PMS1: variants seen among roughly 807,000 people sequenced by gnomAD.
PMS1 encodes PMS1 homolog 1, mismatch repair system component.
A neutral mutation model predicts 93.1 loss-of-function variants in PMS1; 79 were observed. The observed-to-expected ratio is 0.85, with a 90% CI of 0.71 to 1.02. PMS1 has a LOEUF of 1.02. Among genes scored for constraint, PMS1 ranks in the 50% least tolerant of loss-of-function variants. The pLI is 0.00. For synonymous variants in PMS1, 335 were observed against 363.4 expected (o/e 0.92, Z 0.89); for missense variants, 1,064 against 1,085.3 (o/e 0.98, Z 0.28).
In PMS1 at chr2:189,791,954, G is replaced by T. The variant is rs2048907379; in HGVS notation, c.132+13G>T. 3.1e-6 allele frequency: 5 copies of T among 1,612,942 alleles called. No homozygotes were observed. Among genetic ancestry groups the T allele is most frequent in the Non-Finnish European group, 4.2e-6 (5 of 1,179,072 alleles). ...AGATGTTAAACTGGTGAGTGTCCTT[G>T]AGAACCCAAATACCTTTAAGACAAA... On this transcript the variant is annotated intron_variant, in intron 2 of 12. Transcript: ENST00000441310.
intron 4 of PMS1, among the ~76,000 whole-genome samples, chr2:189,808,222 A>G (rs2050511408): frequency 6.6e-6 from 1 of 152,210 alleles, no homozygotes; most frequent in Non-Finnish European, 1.5e-5. Context: ...GTCATCTGAT[A>G]TAATGATACC....
At chr2:189,807,157 A>C (rs185815778) in intron 4 of PMS1, 1 of 167,788 alleles carries the variant, frequency 6.0e-6, no homozygotes, top group East Asian at 1.2e-4. Flanking sequence ...TCCTTAGCTT[A>C]ATTACTGATT....
At position 189,874,831 on chromosome 2, in the gene PMS1, A is replaced by G. The variant is rs926773328; in HGVS notation, c.2634+1175A>G. On this transcript the variant is annotated intron_variant, in intron 12 of 12. Transcript: ENST00000441310. ...GATAGTTTCTAGAGACTTCAAGGGA[A>G]TATTTTCTTGTGAAAGAGTTAGTAT... 4.6e-5 allele frequency among the ~76,000 whole-genome samples: 7 copies of G among 152,210 alleles called. No homozygotes were observed. In the South Asian group the frequency reaches 6.2e-4, roughly 14 times the overall value.
chr2:189,844,979 TC>T (rs1183534678), intron 6 of PMS1, among the ~76,000 whole-genome samples: 1 of 151,938 alleles, frequency 6.6e-6, no homozygotes, highest in Non-Finnish European at 1.5e-5. Flanking sequence ...TGCCTCAGCC[TC>T]CCTAGTAGCT....
chr2:189,819,836 G>A (rs971587736), intron 5 of PMS1, among the ~76,000 whole-genome samples: 3 of 152,088 alleles, frequency 2.0e-5, no homozygotes, highest in Non-Finnish European at 4.4e-5. Flanking sequence ...TCTGTTGATT[G>A]TTTCTTTTGC....
chr2:189,868,900 C>A (rs1368543431), intron 11 of PMS1, among the ~76,000 whole-genome samples: 1 of 152,104 alleles, frequency 6.6e-6, no homozygotes, highest in Non-Finnish European at 1.5e-5. Flanking sequence ...CATTTAAAAA[C>A]AATGTGTTTT....
intron 11 of PMS1, among the ~76,000 whole-genome samples, chr2:189,870,360 C>T (rs1575389317): frequency 6.6e-6 from 1 of 152,102 alleles, no homozygotes; most frequent in Non-Finnish European, 1.5e-5. Flanking sequence ...ACTTTGCATG[C>T]TAATAGGAAT....
Position 189,800,031 on chromosome 2 carries a change from A to G in PMS1, c.315+4080A>G, listed in dbSNP as rs1316079317. On this transcript the variant is annotated intron_variant, in intron 3 of 12. Coordinates refer to ENST00000441310, the MANE Select transcript of PMS1 (RefSeq NM_000534.5). ...AGGAAACTGAGGTCTTTTGAAGCCA[A>G]ATGCCAAGTCTTCTTACCCAACTTC... 2.0e-5 allele frequency among the ~76,000 whole-genome samples: 3 copies of G among 152,200 alleles called. No individual in the cohort carries two copies. In the East Asian group the frequency reaches 5.8e-4, roughly 29 times the overall value.
At chr2:189,868,074 T>C in intron 11 of PMS1, 145 bp downstream of exon 11, 1 of 712,746 alleles carries the variant, frequency 1.4e-6, no homozygotes, top group East Asian at 2.6e-5. Flanking sequence ...AACATTTTTT[T>C]CAAAACATCA....
intron 5 of PMS1, among the ~76,000 whole-genome samples, chr2:189,827,450 T>C (rs368150606): frequency 1.3e-5 from 2 of 152,230 alleles, no homozygotes; most frequent in African/African-American, 4.8e-5. Flanking sequence ...ATTTCTTTCT[T>C]AGAAAATTGG....
intron 5 of PMS1, among the ~76,000 whole-genome samples, chr2:189,838,609 A>G (rs1486040337): frequency 1.3e-5 from 2 of 152,102 alleles, no homozygotes; most frequent in Non-Finnish European, 2.9e-5. Flanking sequence ...GGAGTCAGTC[A>G]TCAAGCCCAT....
chr2:189,877,347 A>G lies in PMS1; in HGVS notation c.2710A>G (p.Met904Val), dbSNP rs775577121. The G allele has an allele frequency of 1.2e-6, 2 of 1,613,150 alleles. No individual in the cohort carries two copies. Among genetic ancestry groups the G allele is most frequent in the East Asian group, 4.5e-5 (2 of 44,860 alleles). Residue 904 changes from methionine (M) to valine (V), a missense_variant, in exon 13 of 13, where the codon ATG (methionine) becomes GTG (valine). Physicochemically the swap from Met to Val is conservative, Grantham distance 21. Coordinates refer to ENST00000441310, the MANE Select transcript of PMS1 (RefSeq NM_000534.5). ...GGACATCCAAGACATTATCTACAGA[A>G]TGAAGCACCAGTTTGGAAATGAAAT... The part of the protein sequence containing the change: ...KEDIQDIIYR[M>V]KHQFGNEIKE...
chr2:189,828,900 A>C (rs1466205502), intron 5 of PMS1, among the ~76,000 whole-genome samples: 2 of 151,924 alleles, frequency 1.3e-5, no homozygotes, highest in Non-Finnish European at 2.9e-5. Flanking sequence ...AAAAAAAAAA[A>C]AAAAGAGGAC....
At chr2:189,837,766 C>CA (rs1160879251) in intron 5 of PMS1, among the ~76,000 whole-genome samples, 73 of 152,134 alleles carry the variant, frequency 4.8e-4, no homozygotes, top group African/African-American at 1.7e-3. Context: ...TTATAATAGC[C>CA]AAAAAGTAGA....
At chr2:189,800,311 A>G (rs2049777380) in intron 3 of PMS1, among the ~76,000 whole-genome samples, 1 of 152,074 alleles carries the variant, frequency 6.6e-6, no homozygotes, top group Non-Finnish European at 1.5e-5. Context: ...GTTTAAAAAT[A>G]CTTCCATATT....
chr2:189,846,661 A>T (rs2054280465), intron 6 of PMS1, among the ~76,000 whole-genome samples: 1 of 152,170 alleles, frequency 6.6e-6, no homozygotes, highest in South Asian at 2.1e-4. Context: ...CCTCGGCCAG[A>T]AAGAGACCGT....
chr2:189,864,197 C>T lies in PMS1; in HGVS notation c.2311C>T (p.Pro771Ser). ...TGAGAATCATAAACTTCCTGCAGAG[C>T]CACTGGAAAAGCCAATTATGTTAAC... The part of the protein sequence containing the change: ...LLENHKLPAE[P>S]LEKPIMLTES... Residue 771 changes from proline (P) to serine (S), a missense_variant, in exon 10 of 13, where the codon CCA becomes TCA. Transcript: ENST00000441310. 1 of 1,608,398 alleles carries T rather than the reference C, an allele frequency of 6.2e-7. No homozygotes were observed. Among genetic ancestry groups the T allele is most frequent in the Non-Finnish European group, 8.5e-7 (1 of 1,175,574 alleles).
Position 189,869,773 on chromosome 2 carries a change from C to T in PMS1, c.2473+1844C>T, listed in dbSNP as rs183909073. Among the ~76,000 whole-genome samples, 86 of 150,322 alleles carry T rather than the reference C, an allele frequency of 5.7e-4. 2 individuals are homozygous for T. In the East Asian group the frequency reaches 0.013, roughly 23 times the overall value. On this transcript the variant is annotated intron_variant, in intron 11 of 12. Transcript: ENST00000441310. ...TGGAGGTTGCAGTGAGCCAAGATCACGCCACTGCACTCTAGCCTGCATGAC... is the reference window on the plus strand; with the variant it reads ...TGGAGGTTGCAGTGAGCCAAGATCATGCCACTGCACTCTAGCCTGCATGAC...
rs545075799 is a variant in PMS1, at chr2:189,876,991, C to T, written c.2635-281C>T. The stretch of plus-strand genomic sequence containing the variant: ...ACTCTACAATCACTCTATCATGTGG[C>T]CCAGTTTAATTTTACGCATTATTTA... On this transcript the variant is annotated intron_variant, in intron 12 of 12. Coordinates refer to ENST00000441310, the MANE Select transcript of PMS1 (RefSeq NM_000534.5). Among the ~76,000 whole-genome samples, 11 of 152,118 alleles carry T rather than the reference C, an allele frequency of 7.2e-5. No homozygotes were observed. In the South Asian group the frequency reaches 2.1e-3, roughly 29 times the overall value.
Sources: gnomAD v4.1 joint callset for allele counts (sites outside exome capture counted in the v4.1 genomes callset) on GRCh38, gnomAD v4.1.1 for gene constraint, MANE v1.5 for transcripts, NCBI Gene and HGNC (gene_info 2026-07-23, HGNC 2026-07-21) for gene names.